The following NCK1 variants were observed in gnomAD, a reference collection of about 807,000 sequenced individuals.
NCK1 encodes NCK adaptor protein 1.
NCK1 carries 19 observed loss-of-function variants against 36.6 expected under a neutral mutation model. That is an observed-to-expected ratio of 0.52 (90% confidence interval 0.36 to 0.76). The LOEUF (loss-of-function observed/expected upper bound fraction) is 0.76. Among genes scored for constraint, NCK1 ranks in the 30% least tolerant of loss-of-function variants. The probability of loss-of-function intolerance (pLI) is 0.00; values close to 1 mark genes in which losing one functional copy is unlikely to be tolerated. For missense variants in NCK1, 358 were observed against 445.6 expected (o/e 0.80, Z 1.77); for synonymous variants, 165 against 156.0 (o/e 1.06, Z -0.43).
chr3:136,910,982 A>G (rs1560043975), intron 1 of NCK1, among the ~76,000 whole-genome samples: 2 of 152,150 alleles, frequency 1.3e-5, no homozygotes, highest in East Asian at 1.9e-4. Context: ...TATGAGTTCA[A>G]CTTTTTTAGA....
chr3:136,872,762 G>A (rs940081958), intron 1 of NCK1, among the ~76,000 whole-genome samples: 11 of 152,220 alleles, frequency 7.2e-5, no homozygotes, highest in East Asian at 1.9e-4. Flanking sequence ...TGCTCCAGCC[G>A]TGGCTGAAAG....
intron 1 of NCK1, among the ~76,000 whole-genome samples, chr3:136,923,957 T>A (rs1940178109): frequency 6.6e-6 from 1 of 152,164 alleles, no homozygotes; most frequent in Non-Finnish European, 1.5e-5. Context: ...TGTTTTAGGG[T>A]AATAGAACAA....
At chr3:136,868,060 G>A (rs1165159582) in intron 1 of NCK1, among the ~76,000 whole-genome samples, 1 of 151,998 alleles carries the variant, frequency 6.6e-6, no homozygotes, top group East Asian at 1.9e-4. Context: ...TGGGATCACA[G>A]GCACCTGCCA....
At chr3:136,913,754 C>T (rs1362520118) in intron 1 of NCK1, among the ~76,000 whole-genome samples, 7 of 152,170 alleles carry the variant, frequency 4.6e-5, no homozygotes, top group African/African-American at 1.2e-4. Flanking sequence ...CTGCAAGCTC[C>T]GCCTCCCGGG....
At position 136,946,257 on chromosome 3, in the gene NCK1, C is replaced by T. The variant is rs1940820125; in HGVS notation, c.901C>T (p.His301Tyr). 1 of 1,612,660 alleles carries T rather than the reference C, an allele frequency of 6.2e-7. No homozygotes were observed. Among genetic ancestry groups the T allele is most frequent in the Non-Finnish European group, 8.5e-7 (1 of 1,179,648 alleles). The change falls in exon 3 of 4, where the codon CAT becomes TAT. Residue 301 changes from histidine (H) to tyrosine (Y), a missense_variant. Coordinates refer to ENST00000481752, the MANE Select transcript of NCK1 (RefSeq NM_001291999.2). ...AGAAATGGCATTAAATGAAAGAGGA[C>T]ATGAAGGGGATTTCCTCATTCGTGA... is the stretch of plus-strand genomic sequence containing the variant. ...QAEMALNERG[H>Y]EGDFLIRDSE...
At chr3:136,943,964 T>G (rs907357421) in intron 2 of NCK1, among the ~76,000 whole-genome samples, 55 of 152,090 alleles carry the variant, frequency 3.6e-4, no homozygotes, top group African/African-American at 1.3e-3. Context: ...AGTTACTGAT[T>G]TGACAGTAAG....
intron 1 of NCK1, among the ~76,000 whole-genome samples, chr3:136,911,897 T>G (rs1022828838): frequency 1.7e-4 from 26 of 152,234 alleles, no homozygotes; most frequent in African/African-American, 6.0e-4. Context: ...TGGTAGTTAA[T>G]TAGACTATTA....
chr3:136,876,536 C>T (rs1938778056), intron 1 of NCK1, among the ~76,000 whole-genome samples: 1 of 152,044 alleles, frequency 6.6e-6, no homozygotes, highest in Non-Finnish European at 1.5e-5. Flanking sequence ...TATGAACATC[C>T]TTCCGTGTCA....
intron 1 of NCK1, among the ~76,000 whole-genome samples, chr3:136,887,645 T>C (rs1457901516): frequency 6.6e-6 from 1 of 152,214 alleles, no homozygotes; most frequent in African/African-American, 2.4e-5. Flanking sequence ...ACAATTCAGA[T>C]ACAACTGTCA....
intron 1 of NCK1, among the ~76,000 whole-genome samples, chr3:136,907,687 C>T (rs573511538): frequency 6.6e-6 from 1 of 152,294 alleles, no homozygotes; most frequent in South Asian, 2.1e-4. Context: ...GTGATTATCT[C>T]CTCACTATTT....
chr3:136,896,563 G>A (rs532627864), intron 1 of NCK1, among the ~76,000 whole-genome samples: 1 of 151,912 alleles, frequency 6.6e-6, no homozygotes. Context: ...TTAAAGGCAG[G>A]GTCTCACTCT....
chr3:136,921,056 G>A (rs543860351), intron 1 of NCK1, among the ~76,000 whole-genome samples: 1 of 152,268 alleles, frequency 6.6e-6, no homozygotes, highest in East Asian at 1.9e-4. Flanking sequence ...AAATGAGGTC[G>A]TTAAGATGGA....
chr3:136,890,150 G>A (rs1327739702), intron 1 of NCK1, among the ~76,000 whole-genome samples: 2 of 152,214 alleles, frequency 1.3e-5, no homozygotes, highest in Non-Finnish European at 2.9e-5. Context: ...CCCACGGGGA[G>A]GCAGCTGAGG....
chr3:136,920,379 A>G (rs761345262), intron 1 of NCK1, among the ~76,000 whole-genome samples: 8 of 152,206 alleles, frequency 5.3e-5, no homozygotes, highest in Non-Finnish European at 1.0e-4. Context: ...TGCTGTGCAT[A>G]GCACAATTCA....
intron 1 of NCK1, among the ~76,000 whole-genome samples, chr3:136,912,496 T>A (rs1418360908): frequency 6.8e-6 from 1 of 146,896 alleles, no homozygotes; most frequent in Non-Finnish European, 1.5e-5. Context: ...TTCAGTCTTT[T>A]TTTTTTTTTT....
At chr3:136,864,752 T>A (rs556086056) in intron 1 of NCK1, among the ~76,000 whole-genome samples, 193 of 135,178 alleles carry the variant, frequency 1.4e-3, no homozygotes, top group African/African-American at 4.8e-3. Flanking sequence ...TTCTGGGTTT[T>A]TTTCTTTTCT....
chr3:136,933,835 G>T (rs1420819737), intron 2 of NCK1, among the ~76,000 whole-genome samples: 2 of 152,056 alleles, frequency 1.3e-5, no homozygotes, highest in Non-Finnish European at 2.9e-5. Flanking sequence ...CTCCCAAGCA[G>T]CTGGGACTAC....
Position 136,945,967 on chromosome 3 carries a change from C to T in NCK1, c.611C>T (p.Ser204Phe). The change falls in exon 3 of 4, where the codon TCT (serine) becomes TTT (phenylalanine). Residue 204 changes from serine (S) to phenylalanine (F), a missense_variant. Ser to Phe is a radical substitution (Grantham distance 155, BLOSUM62 -2). Coordinates refer to ENST00000481752, the MANE Select transcript of NCK1 (RefSeq NM_001291999.2). ...VVQALYPFSS[S>F]NDEELNFEKG... ...CAGGCTCTTTACCCATTCAGCTCAT[C>T]TAATGATGAAGAACTTAATTTCGAG... 6.2e-7 allele frequency: 1 copy of T among 1,613,880 alleles called. No homozygotes were observed.
At chr3:136,899,509 C>G in intron 1 of NCK1, 1 of 430,934 alleles carries the variant, frequency 2.3e-6, no homozygotes, top group Non-Finnish European at 4.5e-6. Flanking sequence ...TCAGAATCAT[C>G]CTCAGAATCT....
Sources: allele counts gnomAD v4.1 joint callset (sites outside exome capture counted in the v4.1 genomes callset), GRCh38; gene constraint gnomAD v4.1.1; transcripts MANE v1.5; gene names NCBI Gene and HGNC (gene_info 2026-07-23, HGNC 2026-07-21).